The following SUSD1 variants were observed in gnomAD, a reference collection of about 807,000 sequenced individuals.
SUSD1 encodes the protein sushi domain-containing protein 1.
A neutral mutation model predicts 86.9 loss-of-function variants in SUSD1; 65 were observed. The observed-to-expected ratio is 0.75, with a 90% CI of 0.61 to 0.92. The LOEUF (loss-of-function observed/expected upper bound fraction) is 0.92. Among genes scored for constraint, SUSD1 ranks in the 40% least tolerant of loss-of-function variants. The pLI is 0.00. For missense variants in SUSD1, 850 were observed against 929.7 expected (o/e 0.91, Z 1.11); for synonymous variants, 346 against 350.0 (o/e 0.99, Z 0.13).
intron 1 of SUSD1, among the ~76,000 whole-genome samples, chr9:112,160,138 A>T (rs1336282060): frequency 1.3e-5 from 2 of 152,244 alleles, no homozygotes; most frequent in African/African-American, 4.8e-5. Flanking sequence ...GATGTTAAAG[A>T]ATTAGAAAAT....
chr9:112,127,603 T>A (rs1831833046), intron 5 of SUSD1, among the ~76,000 whole-genome samples: 1 of 151,250 alleles, frequency 6.6e-6, no homozygotes, highest in South Asian at 2.1e-4. Flanking sequence ...TATTTATTCC[T>A]GTCTATTGAG....
intron 8 of SUSD1, among the ~76,000 whole-genome samples, chr9:112,107,664 G>A (rs983304435): frequency 1.3e-5 from 2 of 152,110 alleles, no homozygotes; most frequent in African/African-American, 4.8e-5. Context: ...GCAAATGCAA[G>A]CACAAATAAA....
chr9:112,173,149 G>A (rs911379897), intron 1 of SUSD1, among the ~76,000 whole-genome samples: 10 of 152,186 alleles, frequency 6.6e-5, no homozygotes, highest in South Asian at 4.2e-4. Context: ...AGTCCTATGC[G>A]CACTGTTCTC....
chr9:112,087,324 G>A (rs1830026541), intron 10 of SUSD1, among the ~76,000 whole-genome samples: 1 of 152,104 alleles, frequency 6.6e-6, no homozygotes, highest in Non-Finnish European at 1.5e-5. Flanking sequence ...TGGAATTACA[G>A]GTGTGCACCA....
At chr9:112,056,131 T>C (rs1389824201) in intron 14 of SUSD1, among the ~76,000 whole-genome samples, 1 of 152,158 alleles carries the variant, frequency 6.6e-6, no homozygotes, top group Non-Finnish European at 1.5e-5. Flanking sequence ...CCAGTCATGA[T>C]GGTGCACACC....
At chr9:112,154,029 G>T (rs1463432979) in intron 2 of SUSD1, among the ~76,000 whole-genome samples, 1 of 152,074 alleles carries the variant, frequency 6.6e-6, no homozygotes, top group Non-Finnish European at 1.5e-5. Context: ...CATTATGACA[G>T]CTACGACATC....
chr9:112,157,591 G>A lies in SUSD1; in HGVS notation c.126C>T (p.Cys42=). 2.5e-6 allele frequency: 4 copies of A among 1,613,900 alleles called. No individual in the cohort carries two copies. Among genetic ancestry groups the A allele is most frequent in the Non-Finnish European group, 3.4e-6 (4 of 1,179,880 alleles). The part of the protein sequence containing the change: ...GPDGLDVCAT[C]HEHATCQQRE... Reference sequence around the variant, plus strand: ...TTTGCTGGCATGTGGCATGTTCATGGCAAGTGGCACAGACGTCTAAACCTG... The same window carrying A: ...TTTGCTGGCATGTGGCATGTTCATGACAAGTGGCACAGACGTCTAAACCTG... Residue 42 remains cysteine (C), a synonymous_variant, in exon 2 of 17, where the codon TGC becomes TGT. Coordinates refer to ENST00000374270, the MANE Select transcript of SUSD1 (RefSeq NM_022486.5).
At chr9:112,061,324 A>G (rs1828715785) in intron 13 of SUSD1, among the ~76,000 whole-genome samples, 1 of 152,190 alleles carries the variant, frequency 6.6e-6, no homozygotes, top group Non-Finnish European at 1.5e-5. Flanking sequence ...AGTCAGGCTT[A>G]GGAAAACCAC....
chr9:112,055,507 G>A (rs1828407857), intron 14 of SUSD1, among the ~76,000 whole-genome samples: 1 of 152,152 alleles, frequency 6.6e-6, no homozygotes, highest in African/African-American at 2.4e-5. Context: ...ACAGAAAACA[G>A]TAAGTGTTAG....
At chr9:112,164,062 C>A (rs1372377093) in intron 1 of SUSD1, among the ~76,000 whole-genome samples, 1 of 151,782 alleles carries the variant, frequency 6.6e-6, no homozygotes, top group African/African-American at 2.4e-5. Context: ...ATGGCTATTT[C>A]ATGTAACTAT....
chr9:112,140,034 T>C (rs1317456579), intron 5 of SUSD1, among the ~76,000 whole-genome samples: 1 of 151,932 alleles, frequency 6.6e-6, no homozygotes, highest in East Asian at 1.9e-4. Flanking sequence ...AAGACCAGCC[T>C]GGGCAACATG....
intron 10 of SUSD1, among the ~76,000 whole-genome samples, chr9:112,097,475 T>C (rs1048389202): frequency 4.3e-5 from 6 of 140,686 alleles, no homozygotes; most frequent in Non-Finnish European, 9.2e-5. Context: ...CTCGGCTCAC[T>C]GCAACCTCTG....
chr9:112,102,793 G>A (rs1362409741), intron 8 of SUSD1, among the ~76,000 whole-genome samples: 1 of 152,172 alleles, frequency 6.6e-6, no homozygotes, highest in African/African-American at 2.4e-5. Context: ...GACCAAGCAA[G>A]AGGAAATTTG....
chr9:112,069,466 G>T (rs1318840977), intron 12 of SUSD1, among the ~76,000 whole-genome samples: 2 of 152,176 alleles, frequency 1.3e-5, no homozygotes, highest in Non-Finnish European at 2.9e-5. Context: ...GGCAGTGATG[G>T]AGGAGAGAGG....
At chr9:112,087,101 A>T (rs1399434400) in intron 10 of SUSD1, among the ~76,000 whole-genome samples, 3 of 152,088 alleles carry the variant, frequency 2.0e-5, no homozygotes, top group Non-Finnish European at 4.4e-5. Flanking sequence ...CCTATACATT[A>T]ATAAACTGAA....
chr9:112,069,988 A>ATTTGTT (rs926220200), intron 12 of SUSD1, among the ~76,000 whole-genome samples: 1 of 151,542 alleles, frequency 6.6e-6, no homozygotes, highest in Non-Finnish European at 1.5e-5. Flanking sequence ...ATTTTATTTT[A>ATTTGTT]TTTGTTTTTG....
At chr9:112,105,344 T>A (rs1410520363) in intron 8 of SUSD1, among the ~76,000 whole-genome samples, 28 of 143,984 alleles carry the variant, frequency 1.9e-4, no homozygotes, top group African/African-American at 6.4e-4. Context: ...AAACAAACTT[T>A]AAAAAAAAAA....
intron 14 of SUSD1, 118 bp downstream of exon 14, chr9:112,058,309 AT>A: frequency 1.5e-6 from 2 of 1,303,850 alleles, no homozygotes; most frequent in Non-Finnish European, 2.1e-6. Flanking sequence ...ATTCACAAAC[AT>A]TTTGTGATTG....
chr9:112,043,321 C>T (rs1470763979), intron 15 of SUSD1, among the ~76,000 whole-genome samples: 4 of 152,148 alleles, frequency 2.6e-5, no homozygotes, highest in African/African-American at 9.7e-5. Context: ...CTCCATGGAT[C>T]GGCTGGCATC....
Sources: gnomAD v4.1 joint callset for allele counts (sites outside exome capture counted in the v4.1 genomes callset) on GRCh38, gnomAD v4.1.1 for gene constraint, MANE v1.5 for transcripts, NCBI Gene and HGNC (gene_info 2026-07-23, HGNC 2026-07-21) for gene names.